Variants in COL22A1 observed in about 807,000 individuals in gnomAD.
COL22A1 encodes collagen alpha-1(XXII) chain.
COL22A1 carries 221 observed loss-of-function variants against 248.9 expected under a neutral mutation model. That is an observed-to-expected ratio of 0.89 (90% confidence interval 0.80 to 0.99). The LOEUF is 0.99. Ranked by LOEUF, COL22A1 falls within the 50% of genes least tolerant of loss-of-function variation. COL22A1 has a pLI of 0.00. For missense variants in COL22A1, 2,240 were observed against 2,179.0 expected (o/e 1.03, Z -0.56); for synonymous variants, 891 against 793.4 (o/e 1.12, Z -2.07).
rs745550050 is a variant in COL22A1, at chr8:138,760,224, C to A, written c.1902+19G>T. The A allele has an allele frequency of 1.1e-5, 17 of 1,556,004 alleles. No homozygotes were observed. In the Admixed American group the frequency reaches 2.7e-4, roughly 25 times the overall value. On this transcript the variant is annotated intron_variant, in intron 18 of 64. Transcript: ENST00000303045. ...CCTGCCCAGGGCACAGAGCCCTTGA[C>A]AGCCCCAGGCTCGCTCACCTTTTCT... is the stretch of plus-strand genomic sequence containing the variant.
intron 21 of COL22A1, among the ~76,000 whole-genome samples, chr8:138,753,446 G>A (rs558731166): frequency 2.6e-5 from 4 of 152,262 alleles, no homozygotes; most frequent in African/African-American, 9.6e-5. Flanking sequence ...TTCTGTCTAG[G>A]CTAGAAGACA....
In COL22A1 at chr8:138,725,752, G is replaced by GACACACAC. The variant is rs66497386; in HGVS notation, c.2140-320_2140-313dup. Reference sequence around the variant, plus strand: ...ATACATATATGTGTGCACATGTGCAGACACACACACACACACACACACACA... The same window carrying GACACACAC: ...ATACATATATGTGTGCACATGTGCAGACACACACACACACACACACACACACACACACA... On this transcript the variant is annotated intron_variant, in intron 23 of 64. Coordinates refer to ENST00000303045, the MANE Select transcript of COL22A1 (RefSeq NM_152888.3). Among the ~76,000 whole-genome samples, 593 of 148,672 alleles carry GACACACAC rather than the reference G, an allele frequency of 4.0e-3. 1 individual carries two copies. Among genetic ancestry groups the GACACACAC allele is most frequent in the South Asian group, 7.9e-3 (36 of 4,566 alleles).
chr8:138,789,578 T>C (rs1458637083), intron 12 of COL22A1, among the ~76,000 whole-genome samples: 2 of 152,250 alleles, frequency 1.3e-5, no homozygotes, highest in South Asian at 2.1e-4. Flanking sequence ...AGAGGCTCTA[T>C]AATGCAGTCT....
intron 22 of COL22A1, among the ~76,000 whole-genome samples, chr8:138,742,079 A>G (rs111206256): frequency 1.5e-5 from 2 of 135,414 alleles, no homozygotes; most frequent in African/African-American, 2.8e-5. Context: ...GGTGATGGTG[A>G]TGATGGTGAT....
intron 50 of COL22A1, among the ~76,000 whole-genome samples, chr8:138,627,765 G>C (rs146876493): frequency 6.6e-6 from 1 of 152,070 alleles, no homozygotes; most frequent in Non-Finnish European, 1.5e-5. Flanking sequence ...TGTTCCTACC[G>C]GATGAGTTCA....
At chr8:138,605,653 G>C (rs986125946) in intron 58 of COL22A1, among the ~76,000 whole-genome samples, 1 of 152,084 alleles carries the variant, frequency 6.6e-6, no homozygotes, top group Non-Finnish European at 1.5e-5. Context: ...TCTCTACTCT[G>C]GTATGTTACA....
chr8:138,706,260 T>C (rs563750786), intron 30 of COL22A1, among the ~76,000 whole-genome samples: 1 of 152,172 alleles, frequency 6.6e-6, no homozygotes, highest in Non-Finnish European at 1.5e-5. Flanking sequence ...TATCTAGTAC[T>C]TGAACTCAGC....
chr8:138,701,875 CTTAAT>C (rs140149769), intron 31 of COL22A1, among the ~76,000 whole-genome samples: 6,576 of 152,276 alleles, frequency 0.043, 191 homozygotes, highest in East Asian at 0.12. Context: ...CCTAGTTCCA[CTTAAT>C]TTGAGTATCA....
At chr8:138,676,454 A>AAAGAAAGGAAGGAAGG (rs71582022) in intron 41 of COL22A1, 104 bp downstream of exon 41, 2 of 396,804 alleles carry the variant, frequency 5.0e-6, no homozygotes, top group African/African-American at 4.6e-5. Flanking sequence ...AGAAAGAAAG[A>AAAGAAAGGAAGGAAGG]AAGGAAGAAA....
At chr8:138,606,287 A>C (rs111379632) in intron 58 of COL22A1, 94 bp downstream of exon 58, 9 of 1,143,908 alleles carry the variant, frequency 7.9e-6, no homozygotes, top group African/African-American at 4.6e-5. Context: ...AGCAGACAGA[A>C]CTGAGGACAC....
In COL22A1 at chr8:138,722,858, G is replaced by GC. The variant is rs1421621280; in HGVS notation, c.2248-770_2248-769insG. Reference sequence around the variant, plus strand: ...ATCGGGTCACATGGGGGCGGGGGGGGGGTGGTGGAAAACACACCCTGGGGC... The same window carrying GC: ...ATCGGGTCACATGGGGGCGGGGGGGGCGGTGGTGGAAAACACACCCTGGGGC... On this transcript the variant is annotated intron_variant, in intron 25 of 64. Coordinates refer to ENST00000303045, the MANE Select transcript of COL22A1 (RefSeq NM_152888.3). Among the ~76,000 whole-genome samples, 10 of 108,752 alleles carry GC rather than the reference G, an allele frequency of 9.2e-5. 2 individuals are homozygous for GC. Among genetic ancestry groups the GC allele is most frequent in the Non-Finnish European group, 1.8e-4 (9 of 50,348 alleles). 71.3% of individuals were successfully genotyped at this position (108,752 alleles called of 152,430 possible). A position where few individuals can be genotyped will look rare whatever the true frequency, so the allele number is the denominator to read the frequency against.
chr8:138,610,288 G>A (rs1169356134), intron 56 of COL22A1, among the ~76,000 whole-genome samples: 1 of 152,222 alleles, frequency 6.6e-6, no homozygotes, highest in Non-Finnish European at 1.5e-5. Flanking sequence ...TGAGGTGGTT[G>A]CCATATGGCC....
intron 41 of COL22A1, among the ~76,000 whole-genome samples, chr8:138,669,368 C>T (rs887383158): frequency 6.6e-5 from 10 of 152,300 alleles, no homozygotes; most frequent in East Asian, 3.9e-4. Flanking sequence ...TCCTGGAGGC[C>T]GGTCAGGGCA....
At chr8:138,727,197 C>T (rs1830383638) in intron 23 of COL22A1, among the ~76,000 whole-genome samples, 3 of 152,200 alleles carry the variant, frequency 2.0e-5, no homozygotes, top group Admixed American at 1.3e-4. Context: ...AGCTCCAGCA[C>T]CACAGCGTCC....
intron 56 of COL22A1, among the ~76,000 whole-genome samples, 199 bp downstream of exon 56, chr8:138,613,668 G>A (rs1819084481): frequency 6.6e-6 from 1 of 151,710 alleles, no homozygotes; most frequent in South Asian, 2.1e-4. Context: ...ATTGTTGTGG[G>A]GGATGGTCCC....
Position 138,863,800 on chromosome 8 carries a change from A to T in COL22A1, c.658+13950T>A, listed in dbSNP as rs538858196. Among the ~76,000 whole-genome samples the T allele has an allele frequency of 1.2e-3, 187 of 152,196 alleles. No homozygotes were observed. In the Middle Eastern group the frequency reaches 0.014, roughly 11 times the overall value. ...GGTCTAGATTCACTTATAATAGATA[A>T]TCTACAAATACTCTCTCACTGAATC... On this transcript the variant is annotated intron_variant, in intron 3 of 64. Coordinates refer to ENST00000303045, the MANE Select transcript of COL22A1 (RefSeq NM_152888.3).
At chr8:138,705,175 C>T (rs112461021) in intron 30 of COL22A1, among the ~76,000 whole-genome samples, 22 of 152,218 alleles carry the variant, frequency 1.4e-4, no homozygotes, top group East Asian at 5.8e-4. Flanking sequence ...CTGAAAGTGA[C>T]GGGGAGAATG....
At chr8:138,701,486 T>C (rs577852332) in intron 31 of COL22A1, among the ~76,000 whole-genome samples, 1 of 152,344 alleles carries the variant, frequency 6.6e-6, no homozygotes, top group Non-Finnish European at 1.5e-5. Flanking sequence ...CCCTGTCCCT[T>C]TTCTAGAAGG....
chr8:138,767,072 G>T (rs892391218), intron 16 of COL22A1, among the ~76,000 whole-genome samples: 4 of 152,218 alleles, frequency 2.6e-5, no homozygotes, highest in Admixed American at 1.3e-4. Context: ...CCTTGGACCA[G>T]TTCCTTAGCA....
Sources: allele counts gnomAD v4.1 joint callset (sites outside exome capture counted in the v4.1 genomes callset), GRCh38; gene constraint gnomAD v4.1.1; transcripts MANE v1.5; gene names NCBI Gene and HGNC (gene_info 2026-07-23, HGNC 2026-07-21).